Variants in TMTC1 observed in about 807,000 individuals in gnomAD.
TMTC1 encodes transmembrane O-mannosyltransferase targeting cadherins 1.
Under a neutral mutation model 104.8 loss-of-function variants are expected in TMTC1, and 73 were observed. The ratio of observed to expected loss-of-function variants is 0.70; its 90% CI spans 0.58 to 0.85. TMTC1 has a LOEUF of 0.85. Ranked by LOEUF, TMTC1 falls within the 40% of genes least tolerant of loss-of-function variation. TMTC1 has a pLI of 0.00. For synonymous variants in TMTC1, 434 were observed against 428.7 expected (o/e 1.01, Z -0.15); for missense variants, 1,035 against 1,096.1 (o/e 0.94, Z 0.79).
At chr12:29,515,511 C>T (rs1187405225) in intron 15 of TMTC1, among the ~76,000 whole-genome samples, 1 of 152,176 alleles carries the variant, frequency 6.6e-6, no homozygotes, top group African/African-American at 2.4e-5. Flanking sequence ...TTTCCCTGCC[C>T]AGAATCCTCC....
chr12:29,738,716 A>G (rs1942747912), intron 5 of TMTC1, among the ~76,000 whole-genome samples: 3 of 152,254 alleles, frequency 2.0e-5, no homozygotes, highest in Admixed American at 6.5e-5. Context: ...AATGAATAAT[A>G]GAAATGGATT....
At chr12:29,750,095 A>AC (rs565653990) in intron 5 of TMTC1, among the ~76,000 whole-genome samples, 4 of 149,144 alleles carry the variant, frequency 2.7e-5, no homozygotes, top group South Asian at 2.1e-4. Context: ...ACACACACAC[A>AC]AACTCCAGTA....
chr12:29,664,231 A>G (rs945493137), intron 5 of TMTC1, among the ~76,000 whole-genome samples: 5 of 151,380 alleles, frequency 3.3e-5, no homozygotes, highest in African/African-American at 7.2e-5. Flanking sequence ...AATAAAAAAA[A>G]TAAAATAAAA....
intron 5 of TMTC1, among the ~76,000 whole-genome samples, chr12:29,646,807 G>A (rs574615390): frequency 1.3e-5 from 2 of 152,244 alleles, no homozygotes; most frequent in East Asian, 1.9e-4. Flanking sequence ...CACAGTTTTT[G>A]CCCAGGGTTC....
chr12:29,624,326 GC>G (rs376265144), intron 6 of TMTC1, among the ~76,000 whole-genome samples: 327 of 150,870 alleles, frequency 2.2e-3, no homozygotes, highest in African/African-American at 7.8e-3. Context: ...GCTGGCTTGG[GC>G]CCACCAAGAA....
At chr12:29,543,564 G>T (rs1211685924) in intron 10 of TMTC1, among the ~76,000 whole-genome samples, 2 of 152,246 alleles carry the variant, frequency 1.3e-5, no homozygotes, top group Non-Finnish European at 1.5e-5. Flanking sequence ...CTTTGTCGGG[G>T]TGTCTGTTGT....
intron 7 of TMTC1, among the ~76,000 whole-genome samples, chr12:29,590,612 C>T (rs372591174): frequency 5.8e-4 from 89 of 152,272 alleles, no homozygotes; most frequent in Middle Eastern, 3.4e-3. Context: ...TGGTGAAACC[C>T]TGTCTCTACT....
At chr12:29,758,139 G>A (rs1943259751) in intron 3 of TMTC1, among the ~76,000 whole-genome samples, 1 of 152,018 alleles carries the variant, frequency 6.6e-6, no homozygotes, top group Non-Finnish European at 1.5e-5. Context: ...ATTGGTTTAG[G>A]GTAAAGGTGT....
chr12:29,728,993 A>G, intron 5 of TMTC1, among the ~76,000 whole-genome samples: 1 of 124,280 alleles, frequency 8.0e-6, no homozygotes, highest in Non-Finnish European at 1.7e-5. Context: ...GCAAGACTCC[A>G]TCTCCAAAAA....
At chr12:29,640,643 C>G (rs1458008500) in intron 5 of TMTC1, 1 of 152,208 alleles carries the variant, frequency 6.6e-6, no homozygotes, top group Non-Finnish European at 1.5e-5. Context: ...CGCGGGCTCC[C>G]CTGGCAGGCC....
intron 9 of TMTC1, among the ~76,000 whole-genome samples, chr12:29,560,686 T>C (rs1379740741): frequency 2.0e-5 from 3 of 152,194 alleles, no homozygotes; most frequent in Non-Finnish European, 2.9e-5. Context: ...TGTTCAAGTA[T>C]TGGGTACTTT....
chr12:29,663,126 G>C (rs1029039712), intron 5 of TMTC1, among the ~76,000 whole-genome samples: 1 of 152,136 alleles, frequency 6.6e-6, no homozygotes, highest in African/African-American at 2.4e-5. Flanking sequence ...CCTTGACTTC[G>C]ATCTTTAGTG....
At chr12:29,733,867 T>C (rs1230160270) in intron 5 of TMTC1, among the ~76,000 whole-genome samples, 2 of 152,248 alleles carry the variant, frequency 1.3e-5, no homozygotes, top group Non-Finnish European at 1.5e-5. Context: ...ATTGTTTTAC[T>C]TGCTAAGCTT....
intron 5 of TMTC1, among the ~76,000 whole-genome samples, chr12:29,701,512 C>A (rs1207277708): frequency 6.6e-6 from 1 of 152,162 alleles, no homozygotes; most frequent in Non-Finnish European, 1.5e-5. Flanking sequence ...CCTAACTTCC[C>A]CCTTCCTTCC....
chr12:29,784,705 T>C (rs1456636597), upstream of TMTC1: 1 of 152,260 alleles, frequency 6.6e-6, no homozygotes, highest in Non-Finnish European at 1.5e-5. Context: ...ATTTCTTATT[T>C]TATTGTTTGC....
intron 5 of TMTC1, among the ~76,000 whole-genome samples, chr12:29,677,610 A>G (rs1431018955): frequency 1.3e-5 from 2 of 152,268 alleles, no homozygotes; most frequent in African/African-American, 4.8e-5. Flanking sequence ...GAAAAAATTC[A>G]TAAGTTTTAA....
At chr12:29,615,233 T>A (rs1408630037) in intron 6 of TMTC1, among the ~76,000 whole-genome samples, 1 of 152,202 alleles carries the variant, frequency 6.6e-6, no homozygotes, top group Non-Finnish European at 1.5e-5. Context: ...GTGCAGCCAT[T>A]TTTTAGCAGT....
intron 3 of TMTC1, among the ~76,000 whole-genome samples, chr12:29,758,225 G>A (rs1039591757): frequency 1.3e-5 from 2 of 152,122 alleles, no homozygotes; most frequent in African/African-American, 4.8e-5. Context: ...GAAACTATAT[G>A]TAAATTGGAA....
Position 29,783,402 on chromosome 12 carries a change from C to A in TMTC1, c.302+48G>T, listed in dbSNP as rs1565833958. ...AACTTCTCCCGGTCCGAGGGACGGG[C>A]GGAGGGTAGAGGAGGCAGCGGCGGC... On this transcript the variant is annotated intron_variant, in intron 1 of 17. Transcript: ENST00000539277. This position sits in a 1 kb window ranked among gnomAD's most constrained non-coding sequence, Gnocchi z 4.7. 1 of 1,265,444 alleles carries A rather than the reference C, an allele frequency of 7.9e-7. No individual in the cohort carries two copies. Among genetic ancestry groups the A allele is most frequent in the Non-Finnish European group, 1.0e-6 (1 of 1,002,676 alleles). 78.4% of individuals were successfully genotyped at this position (1,265,444 alleles called of 1,614,324 possible). A position where few individuals can be genotyped will look rare whatever the true frequency, so the allele number is the denominator to read the frequency against.
Sources: allele counts gnomAD v4.1 joint callset (sites outside exome capture counted in the v4.1 genomes callset), GRCh38; gene constraint gnomAD v4.1.1; non-coding constraint Gnocchi (gnomAD v3.1); transcripts MANE v1.5; gene names NCBI Gene and HGNC (gene_info 2026-07-23, HGNC 2026-07-21).